Variants in MEGF11 observed in about 807,000 individuals in gnomAD.
MEGF11 encodes the protein multiple epidermal growth factor-like domains protein 11.
MEGF11 carries 126 observed loss-of-function variants against 146.6 expected under a neutral mutation model. That is an observed-to-expected ratio of 0.86 (90% CI 0.74 to 1.00). The LOEUF (loss-of-function observed/expected upper bound fraction) is 1.00, where lower values mean the gene tolerates loss of function less well. MEGF11 is among the 50% of genes least tolerant of loss of function. The pLI is 0.00. For missense variants in MEGF11, 1,509 were observed against 1,521.2 expected, an observed-to-expected ratio of 0.99 and a Z score of 0.13; for synonymous variants, 532 against 583.4, an observed-to-expected ratio of 0.91 and a Z score of 1.27.
chr15:66,236,443 C>T (rs964474391), intron 1 of MEGF11, among the ~76,000 whole-genome samples: 6 of 152,170 alleles, frequency 3.9e-5, no homozygotes, highest in African/African-American at 1.4e-4. Context: ...AAAGACATCA[C>T]AGGCAAAAGG....
At chr15:66,212,785 G>T (rs1325284624) in intron 1 of MEGF11, among the ~76,000 whole-genome samples, 1 of 9,740 alleles carries the variant, frequency 1.0e-4, no homozygotes, top group Non-Finnish European at 1.8e-4. Context: ...GGGACTTCCT[G>T]CCAGGGACTC....
At chr15:66,212,293 G>A (rs1001855158) in intron 1 of MEGF11, among the ~76,000 whole-genome samples, 4 of 152,096 alleles carry the variant, frequency 2.6e-5, no homozygotes, top group African/African-American at 9.7e-5. Flanking sequence ...TACACACCAC[G>A]GCCGAACCCC....
At chr15:66,045,444 A>G (rs1290109076) in intron 5 of MEGF11, among the ~76,000 whole-genome samples, 1 of 152,096 alleles carries the variant, frequency 6.6e-6, no homozygotes, top group Admixed American at 6.5e-5. Context: ...TGCCCATCCC[A>G]AGCCCTGAAT....
At chr15:66,169,687 G>A (rs1053706567) in intron 1 of MEGF11, among the ~76,000 whole-genome samples, 1 of 152,184 alleles carries the variant, frequency 6.6e-6, no homozygotes, top group Non-Finnish European at 1.5e-5. Context: ...GCCCCATTTT[G>A]TTTCATTTTC....
chr15:66,053,632 A>G (rs1399274150), intron 5 of MEGF11, among the ~76,000 whole-genome samples: 1 of 144,046 alleles, frequency 6.9e-6, no homozygotes. Context: ...TGGCCCAGAC[A>G]CTCTGGGAAC....
At chr15:66,023,939 G>T (rs1243980662) in intron 5 of MEGF11, among the ~76,000 whole-genome samples, 2 of 152,182 alleles carry the variant, frequency 1.3e-5, no homozygotes, top group Admixed American at 1.3e-4. Flanking sequence ...AGCATACAGG[G>T]TTGCCAGTGG....
intron 22 of MEGF11, 52 bp from the exon 23 acceptor site, chr15:65,909,187 G>C: frequency 8.0e-7 from 1 of 1,255,180 alleles, no homozygotes; most frequent in Non-Finnish European, 1.1e-6. Context: ...CCCTGGTATA[G>C]CAGGGGAAGG....
intron 5 of MEGF11, among the ~76,000 whole-genome samples, chr15:66,011,708 C>T (rs2082716315): frequency 1.7e-5 from 2 of 119,712 alleles, no homozygotes; most frequent in African/African-American, 6.1e-5. Context: ...AATGGACCCC[C>T]AGGGAATTTA....
intron 20 of MEGF11, chr15:65,912,492 A>T: frequency 4.3e-6 from 1 of 231,412 alleles, no homozygotes; most frequent in Non-Finnish European, 8.3e-6. Context: ...GTTTGCTTTG[A>T]TAGCCTTACA....
At position 66,023,140 on chromosome 15, in the gene MEGF11, C is replaced by CAAAAAA. The variant is rs375962533; in HGVS notation, c.395-40658_395-40653dup. Among the ~76,000 whole-genome samples, 29 of 123,650 alleles carry CAAAAAA rather than the reference C, an allele frequency of 2.3e-4. 1 individual carries two copies. Among genetic ancestry groups the CAAAAAA allele is most frequent in the African/African-American group, 6.1e-4 (19 of 31,138 alleles). The allele number at this position is 123,650 out of a possible 152,430, so 81.1% of individuals were successfully genotyped here. On this transcript the variant is annotated intron_variant, in intron 5 of 25. Transcript: ENST00000395614. ...TGGGCAACAAAGTGAGACTCCATCT[C>CAAAAAA]AAAAAAAAAAAAAAACAAACTTGTT...
intron 5 of MEGF11, among the ~76,000 whole-genome samples, chr15:65,994,476 C>T (rs762484770): frequency 6.6e-6 from 1 of 152,186 alleles, no homozygotes; most frequent in Non-Finnish European, 1.5e-5. Flanking sequence ...TCACCTGTTG[C>T]CCTATTCATG....
At chr15:66,221,209 A>G (rs996313874) in intron 1 of MEGF11, among the ~76,000 whole-genome samples, 2 of 152,094 alleles carry the variant, frequency 1.3e-5, no homozygotes, top group African/African-American at 4.8e-5. Context: ...AGGCCTCCCA[A>G]CTGCATTCAG....
chr15:66,148,850 G>A (rs568029273), intron 1 of MEGF11, among the ~76,000 whole-genome samples: 5 of 152,322 alleles, frequency 3.3e-5, no homozygotes, highest in South Asian at 4.1e-4. Flanking sequence ...GGCAGGAACC[G>A]TCTGTCCCAC....
chr15:66,180,888 C>T (rs2090526943), intron 1 of MEGF11, among the ~76,000 whole-genome samples: 1 of 152,224 alleles, frequency 6.6e-6, no homozygotes, highest in Non-Finnish European at 1.5e-5. Flanking sequence ...GGCCCCTAAT[C>T]GGCCCTGGCT....
chr15:65,968,207 G>A (rs771930156), intron 8 of MEGF11, among the ~76,000 whole-genome samples: 4 of 151,874 alleles, frequency 2.6e-5, no homozygotes, highest in Non-Finnish European at 4.4e-5. Context: ...AGGGAAGGAG[G>A]GAAACTGAGG....
chr15:66,169,333 C>T (rs1291180194), intron 1 of MEGF11, among the ~76,000 whole-genome samples: 6 of 152,358 alleles, frequency 3.9e-5, no homozygotes, highest in Middle Eastern at 3.4e-3. Context: ...GACCCTCCAC[C>T]GTCTGCCCAA....
intron 5 of MEGF11, among the ~76,000 whole-genome samples, chr15:65,996,525 G>A (rs547310041): frequency 4.7e-5 from 7 of 148,636 alleles, no homozygotes; most frequent in South Asian, 2.1e-4. Context: ...TCACTCTGTC[G>A]CCCAGGCTGG....
chr15:66,157,417 G>A (rs1054976755), intron 1 of MEGF11, among the ~76,000 whole-genome samples: 26 of 152,280 alleles, frequency 1.7e-4, no homozygotes, highest in South Asian at 2.1e-4. Flanking sequence ...CCCATGTCAC[G>A]GCAGCTACAA....
At chr15:66,033,473 G>T (rs578126840) in intron 5 of MEGF11, among the ~76,000 whole-genome samples, 3 of 152,358 alleles carry the variant, frequency 2.0e-5, no homozygotes, top group Non-Finnish European at 4.4e-5. Flanking sequence ...TGCAGCTTTG[G>T]CCATCACTCT....
Sources: allele counts gnomAD v4.1 joint callset (sites outside exome capture counted in the v4.1 genomes callset), GRCh38; gene constraint gnomAD v4.1.1; transcripts MANE v1.5; gene names NCBI Gene and HGNC (gene_info 2026-07-23, HGNC 2026-07-21).